The following CTNNA3 variants were observed in gnomAD, a reference collection of about 807,000 sequenced individuals.
CTNNA3 encodes catenin alpha 3.
Under a neutral mutation model 95.7 loss-of-function variants are expected in CTNNA3, and 76 were observed. The observed-to-expected ratio is 0.79, with a 90% CI of 0.66 to 0.96. The LOEUF (loss-of-function observed/expected upper bound fraction) is 0.96. Among genes scored for constraint, CTNNA3 ranks in the 40% least tolerant of loss-of-function variants. CTNNA3 has a pLI of 0.00. For missense variants in CTNNA3, 1,191 were observed against 1,089.8 expected, an observed-to-expected ratio of 1.09 and a Z score of -1.31; for synonymous variants, 431 against 374.4, an observed-to-expected ratio of 1.15 and a Z score of -1.74.
chr10:67,135,863 TTA>T (rs1860280164), intron 7 of CTNNA3, among the ~76,000 whole-genome samples: 1 of 152,212 alleles, frequency 6.6e-6, no homozygotes, highest in Non-Finnish European at 1.5e-5. Flanking sequence ...TTTGACCCAA[TTA>T]TATGTTTCTA....
chr10:67,337,833 CATATGCACAGTGTTTT>C (rs1401592007), intron 5 of CTNNA3, among the ~76,000 whole-genome samples: 1 of 152,166 alleles, frequency 6.6e-6, no homozygotes, highest in Non-Finnish European at 1.5e-5. Context: ...TTTAAATTAA[CATATGCACAGTGTTTT>C]TGGATATAAT....
chr10:67,471,336 C>A (rs2133028324), intron 5 of CTNNA3, among the ~76,000 whole-genome samples: 1 of 152,272 alleles, frequency 6.6e-6, no homozygotes, highest in African/African-American at 2.4e-5. Context: ...ACTGCACCAG[C>A]AAAAAGCTTC....
rs145526093 is a variant in CTNNA3 at position 67,581,521 on chromosome 10, T to G, written c.292+25336A>C. Among the ~76,000 whole-genome samples the G allele has an allele frequency of 8.4e-3, 1,274 of 152,320 alleles. 19 individuals carry two copies. The highest frequency in any genetic ancestry group is 0.029 in the African/African-American group (1,220 of 41,576). On this transcript the variant is annotated intron_variant, in intron 3 of 17. Transcript: ENST00000433211. ...TCAGGGATATTGGCCTAAAATTCTCTTTGTTTGTTGTGTCTCTTCCAGGCT... is the reference window on the plus strand; with the variant it reads ...TCAGGGATATTGGCCTAAAATTCTCGTTGTTTGTTGTGTCTCTTCCAGGCT...
chr10:66,926,631 A>T, intron 7 of CTNNA3: 1 of 1,602,832 alleles, frequency 6.2e-7, no homozygotes, highest in Non-Finnish European at 8.5e-7. Flanking sequence ...AAAACAAAAA[A>T]CAAAAAACCT....
intron 14 of CTNNA3, among the ~76,000 whole-genome samples, chr10:66,071,727 T>C (rs984856858): frequency 3.9e-5 from 6 of 152,168 alleles, no homozygotes; most frequent in African/African-American, 1.4e-4. Context: ...ACCATGATCT[T>C]TACCTGACAG....
intron 5 of CTNNA3, among the ~76,000 whole-genome samples, chr10:67,379,266 C>A (rs748056234): frequency 7.2e-5 from 11 of 152,052 alleles, no homozygotes; most frequent in Non-Finnish European, 1.2e-4. Context: ...GTCAGGATGC[C>A]TGTGTTTCAG....
chr10:66,060,763 T>A (rs1034358890), intron 15 of CTNNA3, among the ~76,000 whole-genome samples: 4 of 152,174 alleles, frequency 2.6e-5, no homozygotes, highest in Non-Finnish European at 4.4e-5. Context: ...CTGAAGAGGA[T>A]AAAATGGTCT....
intron 7 of CTNNA3, among the ~76,000 whole-genome samples, chr10:67,028,822 T>C (rs1188904615): frequency 6.6e-6 from 1 of 152,130 alleles, no homozygotes; most frequent in Admixed American, 6.5e-5. Flanking sequence ...GTAATTACAT[T>C]AGGAAGATAG....
chr10:66,460,339 A>G (rs961254571), intron 11 of CTNNA3, among the ~76,000 whole-genome samples: 1 of 152,166 alleles, frequency 6.6e-6, no homozygotes, highest in Admixed American at 6.6e-5. Context: ...ACCTGATAGC[A>G]AGACTTTTTT....
intron 5 of CTNNA3, among the ~76,000 whole-genome samples, chr10:67,338,221 C>T (rs1001601538): frequency 6.6e-6 from 1 of 152,120 alleles, no homozygotes; most frequent in Admixed American, 6.5e-5. Context: ...CTTGTGAGGG[C>T]TTCAGTGAGC....
intron 5 of CTNNA3, among the ~76,000 whole-genome samples, chr10:67,358,498 C>G (rs1330058015): frequency 6.6e-6 from 1 of 152,074 alleles, no homozygotes; most frequent in African/African-American, 2.4e-5. Context: ...AAGGAGGAAG[C>G]TAGGAAGCCT....
At chr10:67,127,604 T>C (rs1181849009) in intron 7 of CTNNA3, among the ~76,000 whole-genome samples, 1 of 152,124 alleles carries the variant, frequency 6.6e-6, no homozygotes, top group Non-Finnish European at 1.5e-5. Flanking sequence ...TTCATATCAC[T>C]CCCCAACATC....
Position 66,306,184 on chromosome 10 carries a change from G to T in CTNNA3, c.1733-25563C>A, listed in dbSNP as rs61463502. Among the ~76,000 whole-genome samples the T allele has an allele frequency of 1.0e-2, 1,520 of 152,316 alleles. 25 individuals are homozygous for T. The highest frequency in any genetic ancestry group is 0.035 in the African/African-American group (1,449 of 41,562). ...AATTTTTTGAAGGTTCCATGTGGAA[G>T]CACAGATAGTGGACAGACCACAAAA... On this transcript the variant is annotated intron_variant, in intron 12 of 17. Coordinates refer to ENST00000433211, the MANE Select transcript of CTNNA3 (RefSeq NM_013266.4).
intron 9 of CTNNA3, among the ~76,000 whole-genome samples, chr10:66,694,600 T>C (rs1311790169): frequency 1.3e-5 from 2 of 152,200 alleles, no homozygotes; most frequent in Admixed American, 1.3e-4. Flanking sequence ...GAATCCTCCC[T>C]AACTCATTTT....
intron 5 of CTNNA3, among the ~76,000 whole-genome samples, chr10:67,418,740 A>C (rs1419300332): frequency 1.3e-5 from 2 of 152,180 alleles, no homozygotes; most frequent in Non-Finnish European, 2.9e-5. Context: ...GGAAGGAATA[A>C]GTTCAAGAAA....
chr10:66,338,729 G>T (rs140425694), intron 12 of CTNNA3, among the ~76,000 whole-genome samples: 1 of 151,938 alleles, frequency 6.6e-6, no homozygotes, highest in Non-Finnish European at 1.5e-5. Context: ...GTTCTAAAAG[G>T]AAGTTGGAAC....
chr10:66,067,316 T>C (rs2080333781), intron 15 of CTNNA3, among the ~76,000 whole-genome samples: 1 of 152,154 alleles, frequency 6.6e-6, no homozygotes, highest in Admixed American at 6.6e-5. Context: ...TTGCCCCATA[T>C]CCAGAAGGTA....
intron 7 of CTNNA3, among the ~76,000 whole-genome samples, chr10:66,937,378 G>C (rs1209354822): frequency 4.6e-5 from 7 of 152,134 alleles, no homozygotes; most frequent in Admixed American, 3.3e-4. Context: ...AAGATCCTAT[G>C]AAGATTCAAT....
intron 15 of CTNNA3, among the ~76,000 whole-genome samples, chr10:66,060,129 G>A (rs551739797): frequency 6.6e-6 from 1 of 152,008 alleles, no homozygotes; most frequent in South Asian, 2.1e-4. Flanking sequence ...TATACCTAGA[G>A]CCTGTCTTCT....
Sources: gnomAD v4.1 joint callset for allele counts (sites outside exome capture counted in the v4.1 genomes callset) on GRCh38, gnomAD v4.1.1 for gene constraint, MANE v1.5 for transcripts, NCBI Gene and HGNC (gene_info 2026-07-23, HGNC 2026-07-21) for gene names.